The following MDGA2 variants were observed in gnomAD, a reference collection of about 807,000 sequenced individuals.
MDGA2 encodes MAM domain containing glycosylphosphatidylinositol anchor 2, also known as MAM domain-containing glycosylphosphatidylinositol anchor protein 2.
A neutral mutation model predicts 117.8 loss-of-function variants in MDGA2; 40 were observed. The observed-to-expected ratio is 0.34, with a 90% CI of 0.26 to 0.44. MDGA2 has a LOEUF of 0.44. Ranked by LOEUF, MDGA2 falls within the 20% of genes least tolerant of loss-of-function variation. The pLI, the probability that MDGA2 is intolerant of heterozygous loss-of-function variation, is 1.00. For synonymous variants in MDGA2, 452 were observed against 439.0 expected, an observed-to-expected ratio of 1.03 and a Z score of -0.37; for missense variants, 1,123 against 1,250.6, an observed-to-expected ratio of 0.90 and a Z score of 1.54.
intron 1 of MDGA2, among the ~76,000 whole-genome samples, chr14:47,309,600 A>G (rs1016531521): frequency 3.9e-5 from 6 of 152,158 alleles, no homozygotes; most frequent in African/African-American, 1.2e-4. Flanking sequence ...TAAGGCAATT[A>G]AATTAAATCC....
intron 2 of MDGA2, among the ~76,000 whole-genome samples, chr14:47,295,937 G>C (rs1889053498): frequency 7.2e-6 from 1 of 138,166 alleles, no homozygotes; most frequent in African/African-American, 2.8e-5. Flanking sequence ...TGATAAGATA[G>C]ATAGATAGAT....
chr14:46,951,954 C>A (rs1885385623), intron 9 of MDGA2, among the ~76,000 whole-genome samples: 1 of 151,874 alleles, frequency 6.6e-6, no homozygotes. Flanking sequence ...TATCTTGAGT[C>A]AATAATTAAA....
At chr14:46,941,603 T>C (rs1418032980) in intron 9 of MDGA2, among the ~76,000 whole-genome samples, 1 of 152,180 alleles carries the variant, frequency 6.6e-6, no homozygotes, top group East Asian at 1.9e-4. Flanking sequence ...TAAAAAGTTC[T>C]GTGATTCCTT....
intron 15 of MDGA2, among the ~76,000 whole-genome samples, chr14:46,852,087 G>A (rs143810995): frequency 7.6e-4 from 115 of 151,734 alleles, no homozygotes; most frequent in African/African-American, 2.4e-3. Context: ...ATGAAAGAGC[G>A]TCGATCAAAA....
intron 1 of MDGA2, among the ~76,000 whole-genome samples, chr14:47,396,838 G>C (rs1309564526): frequency 2.0e-5 from 3 of 152,174 alleles, no homozygotes; most frequent in East Asian, 3.9e-4. Context: ...GGAAACAACA[G>C]ATGCTGGAGG....
intron 6 of MDGA2, among the ~76,000 whole-genome samples, chr14:47,083,959 T>C (rs1890800411): frequency 6.6e-6 from 1 of 151,634 alleles, no homozygotes; most frequent in African/African-American, 2.4e-5. Flanking sequence ...AAAGGAAAAA[T>C]AGACAAATCC....
intron 1 of MDGA2, among the ~76,000 whole-genome samples, chr14:47,519,668 T>C (rs1407180740): frequency 6.6e-6 from 1 of 152,224 alleles, no homozygotes; most frequent in Non-Finnish European, 1.5e-5. Flanking sequence ...CCTCCCTAAT[T>C]ACTTTCCAAG....
Position 46,948,931 on chromosome 14 carries a change from C to G in MDGA2, c.2089+8443G>C, listed in dbSNP as rs189541418. Among the ~76,000 whole-genome samples the G allele has an allele frequency of 2.0e-3, 306 of 152,168 alleles. 2 individuals carry two copies. Among genetic ancestry groups the G allele is most frequent in the Non-Finnish European group, 3.1e-3 (213 of 67,984 alleles). Reference sequence around the variant, plus strand: ...CTCTGACATCAGTCATCCTCTCCATCTCTGCCTTTTTGGAGGGGCATTTTC... The same window carrying G: ...CTCTGACATCAGTCATCCTCTCCATGTCTGCCTTTTTGGAGGGGCATTTTC... On this transcript the variant is annotated intron_variant, in intron 9 of 16. Coordinates refer to ENST00000399232, the MANE Select transcript of MDGA2 (RefSeq NM_001113498.3).
intron 2 of MDGA2, among the ~76,000 whole-genome samples, chr14:47,233,267 C>A (rs932720893): frequency 6.6e-6 from 1 of 151,904 alleles, no homozygotes; most frequent in African/African-American, 2.4e-5. Flanking sequence ...AATCATTAGA[C>A]CTTATAACTG....
intron 3 of MDGA2, among the ~76,000 whole-genome samples, chr14:47,214,880 G>C (rs1007478360): frequency 6.6e-6 from 1 of 152,030 alleles, no homozygotes; most frequent in Non-Finnish European, 1.5e-5. Flanking sequence ...TACATTATGT[G>C]TTATTATACA....
chr14:46,903,550 T>C (rs1352856659), intron 10 of MDGA2, among the ~76,000 whole-genome samples: 1 of 152,202 alleles, frequency 6.6e-6, no homozygotes, highest in Non-Finnish European at 1.5e-5. Context: ...CTATTTCCAA[T>C]AGATGAAAGC....
intron 14 of MDGA2, among the ~76,000 whole-genome samples, chr14:46,868,112 A>G (rs1881850113): frequency 6.6e-6 from 1 of 152,114 alleles, no homozygotes; most frequent in East Asian, 1.9e-4. Context: ...TAAATAAATC[A>G]TGGTTACTGC....
chr14:46,934,467 T>C (rs1374407011), intron 9 of MDGA2, among the ~76,000 whole-genome samples: 1 of 152,166 alleles, frequency 6.6e-6, no homozygotes, highest in African/African-American at 2.4e-5. Flanking sequence ...GGCATATTTC[T>C]TGGCTTGAAC....
chr14:47,082,988 G>C (rs1014039885), intron 6 of MDGA2, among the ~76,000 whole-genome samples: 1 of 151,958 alleles, frequency 6.6e-6, no homozygotes, highest in African/African-American at 2.4e-5. Flanking sequence ...ATACAAGACT[G>C]GTGAACAAGA....
intron 1 of MDGA2, among the ~76,000 whole-genome samples, chr14:47,644,895 T>C (rs1387378987): frequency 6.6e-6 from 1 of 151,988 alleles, no homozygotes; most frequent in Non-Finnish European, 1.5e-5. Context: ...AAATAATAAT[T>C]AGGTGGGAGT....
intron 1 of MDGA2, among the ~76,000 whole-genome samples, chr14:47,458,668 C>G (rs1480960204): frequency 1.3e-5 from 2 of 152,094 alleles, no homozygotes; most frequent in Non-Finnish European, 2.9e-5. Flanking sequence ...TGTCAGCACA[C>G]ACTGAGAGGT....
At position 46,884,212 on chromosome 14, in the gene MDGA2, G is replaced by A. The variant is rs540018941; in HGVS notation, c.2239-1991C>T. Reference sequence around the variant, plus strand: ...GGAGAAGATCCCTTGCTTTGAGAAGGCCTTGAGTTTTCATTGCTGTCTGCC... The same window carrying A: ...GGAGAAGATCCCTTGCTTTGAGAAGACCTTGAGTTTTCATTGCTGTCTGCC... On this transcript the variant is annotated intron_variant, in intron 10 of 16. Coordinates refer to ENST00000399232, the MANE Select transcript of MDGA2 (RefSeq NM_001113498.3). The surrounding 1 kb of genome is among the most constrained non-coding windows in gnomAD (Gnocchi z 4.1). Among the ~76,000 whole-genome samples the A allele has an allele frequency of 6.6e-6, 1 of 152,204 alleles. No individual in the cohort carries two copies. Among genetic ancestry groups the A allele is most frequent in the South Asian group, 2.1e-4 (1 of 4,826 alleles).
At chr14:47,270,827 A>G (rs1888120322) in intron 2 of MDGA2, among the ~76,000 whole-genome samples, 1 of 152,150 alleles carries the variant, frequency 6.6e-6, no homozygotes, top group Non-Finnish European at 1.5e-5. Context: ...TGCTCTCAAA[A>G]TAATAGAAAG....
chr14:47,412,266 A>C (rs1892389063), intron 1 of MDGA2, among the ~76,000 whole-genome samples: 1 of 152,150 alleles, frequency 6.6e-6, no homozygotes, highest in African/African-American at 2.4e-5. Flanking sequence ...ACAAAACAGA[A>C]ATAAAAAAAT....
Sources: gnomAD v4.1 joint callset for allele counts (sites outside exome capture counted in the v4.1 genomes callset) on GRCh38, gnomAD v4.1.1 for gene constraint, Gnocchi (gnomAD v3.1) non-coding constraint, MANE v1.5 for transcripts, NCBI Gene and HGNC (gene_info 2026-07-23, HGNC 2026-07-21) for gene names.